KCNH7: variants seen among roughly 807,000 people sequenced by gnomAD.
KCNH7 encodes voltage-gated inwardly rectifying potassium channel KCNH7.
KCNH7 carries 49 observed loss-of-function variants against 120.8 expected under a neutral mutation model. That is an observed-to-expected ratio of 0.41 (90% CI 0.32 to 0.51). The LOEUF (loss-of-function observed/expected upper bound fraction) is 0.51. Among genes scored for constraint, KCNH7 ranks in the 20% least tolerant of loss-of-function variants. The pLI is 0.38. For synonymous variants in KCNH7, 547 were observed against 516.1 expected, an observed-to-expected ratio of 1.06 and a Z score of -0.81; for missense variants, 1,097 against 1,446.6, an observed-to-expected ratio of 0.76 and a Z score of 3.92.
chr2:162,557,776 A>G (rs1692910012), intron 2 of KCNH7, among the ~76,000 whole-genome samples: 1 of 151,992 alleles, frequency 6.6e-6, no homozygotes, highest in African/African-American at 2.4e-5. Flanking sequence ...GCTACTTTAC[A>G]CTTCTGAAAG....
chr2:162,729,735 C>A lies in KCNH7; in HGVS notation c.307+106802G>T, dbSNP rs1452839029. ...TGGGGGGAAGTATTCAGTCTTTCCT[C>A]ATGAGATGTGATGTTATTAATAAGC... On this transcript the variant is annotated intron_variant, in intron 2 of 15. Coordinates refer to ENST00000332142, the MANE Select transcript of KCNH7 (RefSeq NM_033272.4). Among the ~76,000 whole-genome samples the A allele has an allele frequency of 2.0e-5, 3 of 152,134 alleles. No individual in the cohort carries two copies. In the South Asian group the frequency reaches 6.2e-4, roughly 31 times the overall value.
intron 3 of KCNH7, among the ~76,000 whole-genome samples, chr2:162,520,149 C>T (rs937001193): frequency 6.7e-6 from 1 of 148,494 alleles, no homozygotes; most frequent in Non-Finnish European, 1.5e-5. Flanking sequence ...ACCCTCCAAG[C>T]CCAGGCTTTT....
chr2:162,515,480 G>C (rs1417265328), intron 4 of KCNH7, among the ~76,000 whole-genome samples: 1 of 151,762 alleles, frequency 6.6e-6, no homozygotes, highest in Non-Finnish European at 1.5e-5. Flanking sequence ...TTTCAAATTT[G>C]TTGTTTTTGA....
intron 4 of KCNH7, 81 bp downstream of exon 4, chr2:162,517,649 T>G: frequency 8.5e-7 from 1 of 1,180,774 alleles, no homozygotes; most frequent in Non-Finnish European, 1.2e-6. Context: ...CAGAGATTAT[T>G]GTTGAAATTT....
chr2:162,653,817 C>G (rs1684649098), intron 2 of KCNH7, among the ~76,000 whole-genome samples: 1 of 152,122 alleles, frequency 6.6e-6, no homozygotes, highest in Non-Finnish European at 1.5e-5. Flanking sequence ...ACCAATGGAA[C>G]AGAATAGACA....
At chr2:162,387,063 T>C (rs1156832809) in intron 12 of KCNH7, among the ~76,000 whole-genome samples, 1 of 150,750 alleles carries the variant, frequency 6.6e-6, no homozygotes, top group Non-Finnish European at 1.5e-5. Context: ...AAAAGCAGAA[T>C]CAGGTAAAAG....
At chr2:162,382,195 A>T (rs1686438097) in intron 13 of KCNH7, among the ~76,000 whole-genome samples, 1 of 152,080 alleles carries the variant, frequency 6.6e-6, no homozygotes, top group African/African-American at 2.4e-5. Context: ...ATTATGGAGG[A>T]TTATATTTTT....
At chr2:162,625,397 G>A (rs566902760) in intron 2 of KCNH7, among the ~76,000 whole-genome samples, 15 of 152,172 alleles carry the variant, frequency 9.9e-5, no homozygotes, top group Non-Finnish European at 1.8e-4. Context: ...ACTTTACCCA[G>A]TATGTGATCA....
At chr2:162,820,475 C>T (rs1294008368) in intron 2 of KCNH7, among the ~76,000 whole-genome samples, 4 of 151,826 alleles carry the variant, frequency 2.6e-5, no homozygotes, top group African/African-American at 4.8e-5. Flanking sequence ...TTCCTTATAC[C>T]TCCATTGACT....
At chr2:162,818,296 C>T (rs11904401) in intron 2 of KCNH7, among the ~76,000 whole-genome samples, 77,768 of 151,528 alleles carry the variant, frequency 0.51, 21,031 homozygotes, top group South Asian at 0.72. Flanking sequence ...CAGTATAATG[C>T]AGGGGTCAAT....
At chr2:162,516,478 A>T (rs1691301730) in intron 4 of KCNH7, among the ~76,000 whole-genome samples, 1 of 151,756 alleles carries the variant, frequency 6.6e-6, no homozygotes, top group Admixed American at 6.6e-5. Context: ...ATCTGTGCAG[A>T]TGTAGAATAG....
At chr2:162,611,000 G>A (rs145401087) in intron 2 of KCNH7, among the ~76,000 whole-genome samples, 17 of 152,296 alleles carry the variant, frequency 1.1e-4, no homozygotes, top group African/African-American at 3.8e-4. Context: ...CTGAGAAAAA[G>A]CCACACTGTC....
intron 14 of KCNH7, among the ~76,000 whole-genome samples, chr2:162,379,375 A>C (rs1397457390): frequency 1.3e-5 from 2 of 152,224 alleles, no homozygotes; most frequent in Non-Finnish European, 2.9e-5. Flanking sequence ...TGAAGGAAAC[A>C]AGAAACTCTG....
At chr2:162,804,893 T>A (rs1031834606) in intron 2 of KCNH7, among the ~76,000 whole-genome samples, 2 of 151,784 alleles carry the variant, frequency 1.3e-5, no homozygotes, top group Non-Finnish European at 3.0e-5. Context: ...CTTAATGATA[T>A]AGACACATAA....
intron 2 of KCNH7, among the ~76,000 whole-genome samples, chr2:162,607,518 G>A (rs1312062898): frequency 6.6e-6 from 1 of 151,934 alleles, no homozygotes; most frequent in African/African-American, 2.4e-5. Context: ...GTTATAATTA[G>A]GAAAATAGGG....
At chr2:162,532,665 C>T (rs1018867238) in intron 3 of KCNH7, among the ~76,000 whole-genome samples, 4 of 151,958 alleles carry the variant, frequency 2.6e-5, no homozygotes, top group Non-Finnish European at 5.9e-5. Context: ...GGATATACTT[C>T]ACCTAAGAAG....
Position 162,612,873 on chromosome 2 carries a change from A to C in KCNH7, c.308-75793T>G, listed in dbSNP as rs189727177. Among the ~76,000 whole-genome samples the C allele has an allele frequency of 2.0e-3, 303 of 152,174 alleles. 1 individual carries two copies. The highest frequency in any genetic ancestry group is 6.8e-3 in the African/African-American group (284 of 41,576). ...GAAACCTTAACTTACAGGCTGCAAC[A>C]GTCTCCAGCTGAAAGGATCACTAAT... On this transcript the variant is annotated intron_variant, in intron 2 of 15. Transcript: ENST00000332142.
intron 2 of KCNH7, among the ~76,000 whole-genome samples, chr2:162,642,406 T>C (rs1340350344): frequency 6.6e-6 from 1 of 152,172 alleles, no homozygotes; most frequent in Non-Finnish European, 1.5e-5. Flanking sequence ...TTAATTCTTG[T>C]CTCTGAATCT....
chr2:162,795,043 G>A (rs1218077238), intron 2 of KCNH7, among the ~76,000 whole-genome samples: 1 of 151,930 alleles, frequency 6.6e-6, no homozygotes, highest in East Asian at 1.9e-4. Flanking sequence ...TTAAGAATAT[G>A]CTTTAGTTTT....
Sources: allele counts gnomAD v4.1 joint callset (sites outside exome capture counted in the v4.1 genomes callset), GRCh38; gene constraint gnomAD v4.1.1; transcripts MANE v1.5; gene names NCBI Gene and HGNC (gene_info 2026-07-23, HGNC 2026-07-21).